OTOG: variants seen among roughly 807,000 people sequenced by gnomAD.
The protein encoded by OTOG is otogelin.
In OTOG, 296 loss-of-function variants were observed where a neutral mutation model predicts 313.8. That is an observed-to-expected ratio of 0.94 (90% CI 0.86 to 1.04). The LOEUF (loss-of-function observed/expected upper bound fraction) is 1.04. OTOG is among the 50% of genes least tolerant of loss of function. The pLI, the probability that OTOG is intolerant of heterozygous loss-of-function variation, is 0.00. For synonymous variants in OTOG, 1,533 were observed against 1,554.9 expected (o/e 0.99, Z 0.33); for missense variants, 3,948 against 3,840.1 (o/e 1.03, Z -0.74).
At chr11:17,589,664 C>T (rs186910282) in intron 24 of OTOG, among the ~76,000 whole-genome samples, 2 of 152,320 alleles carry the variant, frequency 1.3e-5, no homozygotes, top group African/African-American at 4.8e-5. Flanking sequence ...TTTCTCTGCT[C>T]GCCTTTTATT....
At chr11:17,619,314 T>TCAAC (rs1329054224) in intron 39 of OTOG, among the ~76,000 whole-genome samples, 1 of 152,122 alleles carries the variant, frequency 6.6e-6, no homozygotes, top group Non-Finnish European at 1.5e-5. Flanking sequence ...TTGCAGGGGG[T>TCAAC]AAATAGTTGA....
chr11:17,571,978 G>A (rs1852414190), intron 17 of OTOG, 102 bp from the exon 18 acceptor site: 6 of 1,439,118 alleles, frequency 4.2e-6, no homozygotes, highest in Non-Finnish European at 5.7e-6. Flanking sequence ...TTATGACTAT[G>A]TGTGTGTATA....
At chr11:17,572,997 T>C (rs1852437039) in intron 18 of OTOG, 81 bp from the exon 19 acceptor site, 6 of 1,290,472 alleles carry the variant, frequency 4.6e-6, no homozygotes, top group East Asian at 2.5e-5. Context: ...CCCTGAGCCA[T>C]GGGGAGGGAG....
At chr11:17,605,345 AG>A (rs910148200) in intron 32 of OTOG, among the ~76,000 whole-genome samples, 1 of 152,188 alleles carries the variant, frequency 6.6e-6, no homozygotes, top group African/African-American at 2.4e-5. Context: ...AGTTGGATGA[AG>A]GGTTGCCAAT....
intron 3 of OTOG, among the ~76,000 whole-genome samples, chr11:17,550,142 G>C (rs1851902814): frequency 6.6e-6 from 1 of 152,180 alleles, no homozygotes; most frequent in Admixed American, 6.5e-5. Flanking sequence ...AGTATTTGCA[G>C]TGTTTTTGAC....
At chr11:17,608,560 A>G in intron 34 of OTOG, 147 bp downstream of exon 34, 2 of 584,436 alleles carry the variant, frequency 3.4e-6, no homozygotes, top group Non-Finnish European at 5.8e-6. Flanking sequence ...GTATATGCAC[A>G]TATGTCAGCA....
rs757986 is a variant in OTOG at position 17,573,350 on chromosome 11, C to T, written c.2293+60C>T. ...GAGCCAGAGCTCCAGACCTGAGTGT[C>T]CCCTGCCCCTGAAAGTCTCCACTGG... On this transcript the variant is annotated intron_variant, in intron 19 of 55. Coordinates refer to ENST00000399397, the MANE Select transcript of OTOG (RefSeq NM_001292063.2). 0.42 allele frequency: 609,773 copies of T among 1,445,180 alleles called. 130,618 individuals carry two copies. Among genetic ancestry groups the T allele is most frequent in the Non-Finnish European group, 0.44 (481,521 of 1,089,962 alleles). The allele number at this position is 1,445,180 out of a possible 1,614,324, so 89.5% of individuals were successfully genotyped here.
In OTOG at chr11:17,612,318, T is replaced by C; in HGVS notation, c.6280T>C (p.Trp2094Arg). ...GGGTGGGGACCGCTGCTGCCCACTC[T>C]GGGAGTGTGCCTGTGAGTCATGGGA... ...RVGGDRCCPLWECACRCSIFP... is the reference protein window; with the variant it reads ...RVGGDRCCPLRECACRCSIFP... Residue 2094 changes from tryptophan (W) to arginine (R), a missense_variant, in exon 37 of 56, where the codon TGG (tryptophan) becomes CGG (arginine). Physicochemically the swap from Trp to Arg is moderately radical, Grantham distance 101 (BLOSUM62 -3). Transcript: ENST00000399397. The C allele has an allele frequency of 1.3e-6, 2 of 1,535,052 alleles. No homozygotes were observed. Among genetic ancestry groups the C allele is most frequent in the Non-Finnish European group, 1.7e-6 (2 of 1,144,644 alleles).
chr11:17,550,661 T>C (rs1430901851), intron 3 of OTOG, among the ~76,000 whole-genome samples: 2 of 152,178 alleles, frequency 1.3e-5, no homozygotes, highest in African/African-American at 4.8e-5. Context: ...ATTACAGCTC[T>C]CTGGTGGCTA....
At chr11:17,600,734 G>A (rs897125734) in intron 31 of OTOG, among the ~76,000 whole-genome samples, 8 of 152,192 alleles carry the variant, frequency 5.3e-5, no homozygotes, top group Admixed American at 6.5e-5. Context: ...GGGCAGACAG[G>A]ATCTGTCTGA....
chr11:17,585,427 G>C (rs1590020696), intron 23 of OTOG, among the ~76,000 whole-genome samples: 1 of 152,142 alleles, frequency 6.6e-6, no homozygotes, highest in East Asian at 1.9e-4. Context: ...ACAGGGGTTT[G>C]TCAATTTTAT....
At position 17,611,254 on chromosome 11, in the gene OTOG, A is replaced by T; in HGVS notation, c.5954A>T (p.Gln1985Leu). 2 of 1,549,746 alleles carry T rather than the reference A, an allele frequency of 1.3e-6. No homozygotes were observed. Among genetic ancestry groups the T allele is most frequent in the Non-Finnish European group, 1.7e-6 (2 of 1,146,852 alleles). ...PQDSMLVLLP[Q>L]LAEAHGTSAG... is the part of the protein sequence containing the mutation. The stretch of plus-strand genomic sequence containing the variant: ...GACAGCATGCTGGTTCTGTTGCCTC[A>T]GCTGGCTGAGGCCCATGGAACCTCG... The change falls in exon 36 of 56, where the codon CAG (glutamine) becomes CTG (leucine). Residue 1985 changes from glutamine (Q) to leucine (L), a missense_variant. Coordinates refer to ENST00000399397, the MANE Select transcript of OTOG (RefSeq NM_001292063.2).
chr11:17,612,271 T>A lies in OTOG; in HGVS notation c.6233T>A (p.Ile2078Asn). ...PQGAAPPRCG[I>N]LGLAVRVGGD... Reference sequence around the variant, plus strand: ...GGTGCTGCTCCCCCTCGCTGTGGGATCCTGGGCCTCGCCGTGCGGGTGGGT... The same window carrying A: ...GGTGCTGCTCCCCCTCGCTGTGGGAACCTGGGCCTCGCCGTGCGGGTGGGT... Residue 2078 changes from isoleucine (I) to asparagine (N), a missense_variant, in exon 37 of 56, where the codon ATC (isoleucine) becomes AAC (asparagine). Transcript: ENST00000399397. 2 of 1,545,112 alleles carry A rather than the reference T, an allele frequency of 1.3e-6. No individual in the cohort carries two copies. The highest frequency in any genetic ancestry group is 1.7e-6 in the Non-Finnish European group (2 of 1,146,888).
chr11:17,619,132 A>G (rs906712613), intron 39 of OTOG, among the ~76,000 whole-genome samples: 1 of 152,116 alleles, frequency 6.6e-6, no homozygotes, highest in African/African-American at 2.4e-5. Context: ...TTAGCCAAGC[A>G]TGGTGGCACA....
At position 17,611,266 on chromosome 11, in the gene OTOG, C is replaced by T. The variant is rs577901245; in HGVS notation, c.5966C>T (p.Ala1989Val). 38 of 1,550,414 alleles carry T rather than the reference C, an allele frequency of 2.5e-5. No homozygotes were observed. The highest frequency in any genetic ancestry group is 3.2e-5 in the Non-Finnish European group (37 of 1,147,000). The stretch of plus-strand genomic sequence containing the variant: ...GTTCTGTTGCCTCAGCTGGCTGAGG[C>T]CCATGGAACCTCGGCAGGGCCTCAC... Reference protein sequence around the residue: ...MLVLLPQLAEAHGTSAGPHLA... With the variant: ...MLVLLPQLAEVHGTSAGPHLA... Residue 1989 changes from alanine to valine, a missense_variant, in exon 36 of 56, where the codon GCC becomes GTC. Physicochemically the swap from Ala to Val is moderately conservative, Grantham distance 64. Transcript: ENST00000399397.
At position 17,557,061 on chromosome 11, in the gene OTOG, A is replaced by G. The variant is rs1852070905; in HGVS notation, c.660-57A>G. ...GGGACTGGCTGTTCCTTCGGTGAAG[A>G]GACTGGGCTAGTGGAGGTGTTGTGG... On this transcript the variant is annotated intron_variant, in intron 7 of 55. Coordinates refer to ENST00000399397, the MANE Select transcript of OTOG (RefSeq NM_001292063.2). 5 of 1,501,376 alleles carry G rather than the reference A, an allele frequency of 3.3e-6. No homozygotes were observed. In the Admixed American group the frequency reaches 7.9e-5, roughly 24 times the overall value. The allele number at this position is 1,501,376 out of a possible 1,614,324, so 93.0% of individuals were successfully genotyped here.
At chr11:17,559,737 A>T in intron 12 of OTOG, 75 bp downstream of exon 12, 1 of 1,188,812 alleles carries the variant, frequency 8.4e-7, no homozygotes, top group Non-Finnish European at 1.1e-6. Context: ...ACAGGAGTTC[A>T]GAAGATACCT....
chr11:17,620,904 G>A (rs1853849406), intron 39 of OTOG, among the ~76,000 whole-genome samples: 1 of 152,056 alleles, frequency 6.6e-6, no homozygotes, highest in Non-Finnish European at 1.5e-5. Flanking sequence ...CCATTCAGTG[G>A]TTTTCATCTC....
chr11:17,613,247 CTTTCTTTCTTTCTTTCTT>C (rs1853630646), intron 38 of OTOG, among the ~76,000 whole-genome samples: 2 of 125,336 alleles, frequency 1.6e-5, no homozygotes, highest in African/African-American at 6.8e-5. Context: ...TTCTTTCTTT[CTTTCTTTCTTTCTTTCTT>C]TCTCTCTCTG....
Sources: gnomAD v4.1 joint callset for allele counts (sites outside exome capture counted in the v4.1 genomes callset) on GRCh38, gnomAD v4.1.1 for gene constraint, MANE v1.5 for transcripts, NCBI Gene and HGNC (gene_info 2026-07-23, HGNC 2026-07-21) for gene names.